The following CNGB3 variants were observed in gnomAD, a reference collection of about 807,000 sequenced individuals.
The protein encoded by CNGB3 is cyclic nucleotide gated channel subunit beta 3, also known as cyclic nucleotide-gated channel beta-3.
Under a neutral mutation model 92.8 loss-of-function variants are expected in CNGB3, and 86 were observed. That is an observed-to-expected ratio of 0.93 (90% CI 0.78 to 1.11). The LOEUF is 1.11. Among genes scored for constraint, CNGB3 ranks in the 50% least tolerant of loss-of-function variants. The pLI is 0.00. For synonymous variants in CNGB3, 333 were observed against 332.7 expected, an observed-to-expected ratio of 1.00 and a Z score of -0.01; for missense variants, 1,026 against 956.8, an observed-to-expected ratio of 1.07 and a Z score of -0.95.
chr8:86,665,221 A>C (rs1299448021), intron 6 of CNGB3, among the ~76,000 whole-genome samples: 1 of 152,204 alleles, frequency 6.6e-6, no homozygotes, highest in African/African-American at 2.4e-5. Context: ...ATGAGATACC[A>C]TCTCATACAA....
chr8:86,607,273 A>C (rs190928073), intron 14 of CNGB3, among the ~76,000 whole-genome samples: 238 of 152,282 alleles, frequency 1.6e-3, no homozygotes, highest in African/African-American at 5.6e-3. Flanking sequence ...TTAGCATTCA[A>C]ATTAAGTAGA....
At chr8:86,688,813 C>T (rs906723497) in intron 3 of CNGB3, among the ~76,000 whole-genome samples, 1 of 151,542 alleles carries the variant, frequency 6.6e-6, no homozygotes, top group African/African-American at 2.4e-5. Context: ...TTTATTTCTG[C>T]TCTGACTATT....
intron 3 of CNGB3, among the ~76,000 whole-genome samples, chr8:86,715,435 GA>G (rs1192919891): frequency 6.6e-6 from 1 of 152,018 alleles, no homozygotes; most frequent in Non-Finnish European, 1.5e-5. Flanking sequence ...GCCAGACCCA[GA>G]AGGGCAAAAA....
At chr8:86,736,152 A>G (rs1304498049) in intron 2 of CNGB3, among the ~76,000 whole-genome samples, 1 of 152,206 alleles carries the variant, frequency 6.6e-6, no homozygotes, top group Non-Finnish European at 1.5e-5. Context: ...GAGTTCTATA[A>G]TCAGAAATCA....
chr8:86,702,701 G>A (rs1824577132), intron 3 of CNGB3, among the ~76,000 whole-genome samples: 1 of 151,884 alleles, frequency 6.6e-6, no homozygotes, highest in South Asian at 2.1e-4. Context: ...CATTTTCTAG[G>A]TTACTCTCAA....
intron 3 of CNGB3, among the ~76,000 whole-genome samples, chr8:86,686,518 A>G (rs191490392): frequency 1.3e-5 from 2 of 152,232 alleles, no homozygotes; most frequent in East Asian, 3.9e-4. Context: ...TATTGCAGAC[A>G]CCCTATGGAT....
rs188943450 is a variant in CNGB3, at chr8:86,586,215, C to A, written c.1782-6963G>T. On this transcript the variant is annotated intron_variant, in intron 15 of 17. Transcript: ENST00000320005. ...CTGGGGCTATAAAGATGATTAACAC[C>A]TGCCCTCAAGCTGTTTGTAATCTAG... Among the ~76,000 whole-genome samples, 261 of 152,296 alleles carry A rather than the reference C, an allele frequency of 1.7e-3. 4 individuals are homozygous for A. The highest frequency in any genetic ancestry group is 6.8e-4 in the Non-Finnish European group (46 of 68,016).
At position 86,741,068 on chromosome 8, in the gene CNGB3, A is replaced by T. The variant is rs1429759323; in HGVS notation, c.130-1332T>A. ...AATTATTGTTTATTGATAGGTGAGA[A>T]TTACCCATGACATTTTGGTGTGTAA... On this transcript the variant is annotated intron_variant, in intron 1 of 17. Transcript: ENST00000320005. Among the ~76,000 whole-genome samples, 8 of 152,146 alleles carry T rather than the reference A, an allele frequency of 5.3e-5. No individual in the cohort carries two copies. The East Asian group carries it at 1.5e-3, about 29-fold the overall frequency.
intron 15 of CNGB3, among the ~76,000 whole-genome samples, chr8:86,590,628 G>T (rs993823736): frequency 5.6e-4 from 85 of 151,686 alleles, no homozygotes; most frequent in Non-Finnish European, 9.6e-4. Flanking sequence ...TGAAATTCTT[G>T]GTTGAAAATT....
chr8:86,623,860 C>A (rs775943857), intron 13 of CNGB3, among the ~76,000 whole-genome samples: 1 of 152,156 alleles, frequency 6.6e-6, no homozygotes, highest in Non-Finnish European at 1.5e-5. Flanking sequence ...TGTAATCAAA[C>A]AGGAAAAACT....
intron 3 of CNGB3, among the ~76,000 whole-genome samples, chr8:86,715,474 GCCCCAT>G (rs2131662662): frequency 6.6e-6 from 1 of 152,148 alleles, no homozygotes; most frequent in South Asian, 2.1e-4. Flanking sequence ...CCCTAAAGAA[GCCCCAT>G]CCCTAGGGAA....
At chr8:86,618,888 C>T (rs966662007) in intron 13 of CNGB3, among the ~76,000 whole-genome samples, 2 of 152,192 alleles carry the variant, frequency 1.3e-5, no homozygotes, top group African/African-American at 2.4e-5. Flanking sequence ...TTCCGGTTCT[C>T]TTCTTGGCTC....
rs866791130 is a variant in CNGB3, at chr8:86,607,485, G to A, written c.1663-3274C>T. ...TTTCTAAGGCTCATGAGGGCTTTAT[G>A]ACACTCAAGGGCACCCCAACAGAAA... On this transcript the variant is annotated intron_variant, in intron 14 of 17. Transcript: ENST00000320005. Among the ~76,000 whole-genome samples, 4 of 152,262 alleles carry A rather than the reference G, an allele frequency of 2.6e-5. 1 individual carries two copies. The highest frequency in any genetic ancestry group is 2.9e-5 in the Non-Finnish European group (2 of 68,014).
At chr8:86,721,246 A>G (rs185165963) in intron 3 of CNGB3, among the ~76,000 whole-genome samples, 1 of 152,246 alleles carries the variant, frequency 6.6e-6, no homozygotes, top group East Asian at 1.9e-4. Context: ...CTCCACTGGG[A>G]TTACAGGCAT....
intron 2 of CNGB3, among the ~76,000 whole-genome samples, chr8:86,728,242 C>T (rs1211256300): frequency 3.3e-5 from 5 of 152,116 alleles, no homozygotes; most frequent in South Asian, 4.2e-4. Context: ...TTGAAGCCTG[C>T]GTATAAAGAT....
chr8:86,607,587 T>A (rs1563724960), intron 14 of CNGB3, among the ~76,000 whole-genome samples: 2 of 152,222 alleles, frequency 1.3e-5, no homozygotes, highest in Non-Finnish European at 1.5e-5. Flanking sequence ...AGGTGCAAAT[T>A]CTCAGTTTAC....
At chr8:86,677,863 G>A (rs1246006726) in intron 3 of CNGB3, among the ~76,000 whole-genome samples, 1 of 152,114 alleles carries the variant, frequency 6.6e-6, no homozygotes, top group African/African-American at 2.4e-5. Context: ...AGTATTTTGT[G>A]AAACAGGTAT....
chr8:86,574,737 G>A lies in CNGB3; in HGVS notation c.*1067C>T, dbSNP rs1027913125. On this transcript the variant is annotated 3_prime_UTR_variant, in exon 18 of 18. Coordinates refer to ENST00000320005, the MANE Select transcript of CNGB3 (RefSeq NM_019098.5). ...TATTATTACTTCCGACACCAGCCTG[G>A]CCTTTGTAGCCTCCTCACAGCATGC... is the stretch of plus-strand genomic sequence containing the variant. 2 of 152,252 alleles carry A rather than the reference G, an allele frequency of 1.3e-5. No homozygotes were observed. Among genetic ancestry groups the A allele is most frequent in the South Asian group, 4.1e-4 (2 of 4,822 alleles). 9.4% of individuals were successfully genotyped at this position (152,252 alleles called of 1,614,324 possible).
intron 3 of CNGB3, among the ~76,000 whole-genome samples, chr8:86,694,024 C>T (rs1477030532): frequency 3.4e-5 from 5 of 149,112 alleles, no homozygotes; most frequent in East Asian, 2.1e-4. Context: ...TAGGGGTGGC[C>T]GGGCAGAGGC....
Sources: allele counts gnomAD v4.1 joint callset (sites outside exome capture counted in the v4.1 genomes callset), GRCh38; gene constraint gnomAD v4.1.1; transcripts MANE v1.5; gene names NCBI Gene and HGNC (gene_info 2026-07-23, HGNC 2026-07-21).